MPI: variants seen among roughly 807,000 people sequenced by gnomAD.
The protein encoded by MPI is mannose phosphate isomerase.
A neutral mutation model predicts 40.1 loss-of-function variants in MPI; 33 were observed. That is an observed-to-expected ratio of 0.82 (90% confidence interval 0.62 to 1.10). MPI has a LOEUF of 1.10. MPI is among the 50% of genes least tolerant of loss of function. The pLI, the probability that MPI is intolerant of heterozygous loss-of-function variation, is 0.00. For synonymous variants in MPI, 187 were observed against 207.4 expected (o/e 0.90, Z 0.85); for missense variants, 514 against 524.1 (o/e 0.98, Z 0.19).
chr15:74,894,813 G>T (rs2064793336), intron 5 of MPI, among the ~76,000 whole-genome samples: 1 of 150,648 alleles, frequency 6.6e-6, no homozygotes, highest in African/African-American at 2.4e-5. Flanking sequence ...AAAAGAAAAA[G>T]AAAAAAAATT....
At chr15:74,890,167 G>T (rs1430252343) in intron 1 of MPI, 78 bp downstream of exon 1, 2 of 1,582,782 alleles carry the variant, frequency 1.3e-6, no homozygotes, top group African/African-American at 1.3e-5. Context: ...TATCGGCCAG[G>T]TTGAGTCCGC....
chr15:74,892,009 T>C (rs900975703), intron 3 of MPI, among the ~76,000 whole-genome samples: 1 of 152,030 alleles, frequency 6.6e-6, no homozygotes, highest in African/African-American at 2.4e-5. Context: ...TTTTTTTTTT[T>C]CTGAGACTTG....
intron 1 of MPI, 46 bp from the exon 2 acceptor site, chr15:74,890,481 G>A (rs781053774): frequency 6.2e-7 from 1 of 1,613,178 alleles, no homozygotes; most frequent in Non-Finnish European, 8.5e-7. Flanking sequence ...ACACTAGGGT[G>A]GGGCCTGAGG....
chr15:74,895,253 G>A (rs1167317466), intron 5 of MPI, among the ~76,000 whole-genome samples: 1 of 150,628 alleles, frequency 6.6e-6, no homozygotes, highest in Non-Finnish European at 1.5e-5. Flanking sequence ...GAGATGACAG[G>A]TGTGAGCCAC....
In MPI at chr15:74,899,808, G is replaced by A. The variant is rs1022382726; in HGVS notation, c.*2078G>A. 6.6e-6 allele frequency: 1 copy of A among 152,154 alleles called. No individual in the cohort carries two copies. The highest frequency in any genetic ancestry group is 1.5e-5 in the Non-Finnish European group (1 of 68,036). 9.4% of individuals were successfully genotyped at this position (152,154 alleles called of 1,614,324 possible). A position where few individuals can be genotyped will look rare whatever the true frequency, so the allele number is the denominator to read the frequency against. The stretch of plus-strand genomic sequence containing the variant: ...CAGCTAAGTTTTTGTATTTTTAGTA[G>A]AGACGGGGTTTCAGTAGAGACGGGG... On this transcript the variant is annotated 3_prime_UTR_variant, in exon 8 of 8. Transcript: ENST00000352410.
At chr15:74,895,267 G>A (rs1010676330) in intron 5 of MPI, among the ~76,000 whole-genome samples, 8 of 149,248 alleles carry the variant, frequency 5.4e-5, no homozygotes, top group Admixed American at 1.3e-4. Context: ...GAGCCACCGC[G>A]CCCAGCTGAG....
chr15:74,892,047 T>G (rs1595817335), intron 3 of MPI, among the ~76,000 whole-genome samples: 1 of 151,372 alleles, frequency 6.6e-6, no homozygotes, highest in Non-Finnish European at 1.5e-5. Context: ...CAGGCTGGAG[T>G]GCAGTGGCGC....
Position 74,897,114 on chromosome 15 carries a change from T to A in MPI, c.948T>A (p.Pro316=), listed in dbSNP as rs778221310. 6.2e-7 allele frequency: 1 copy of A among 1,614,156 alleles called. No homozygotes were observed. ...TGTGTGAAATGCTCAGCTATACCCC[T>A]AGCTCCAGCAAGGACAGGCTCTTTC... ...PTLCEMLSYT[P]SSSKDRLFLP... The change falls in exon 7 of 8, where the codon CCT becomes CCA. Residue 316 remains proline, a synonymous_variant. Coordinates refer to ENST00000352410, the MANE Select transcript of MPI (RefSeq NM_002435.3).
chr15:74,893,670 G>A (rs2141201209), intron 5 of MPI: 1 of 581,002 alleles, frequency 1.7e-6, no homozygotes, highest in South Asian at 2.1e-5. Context: ...GGCAGGAAGG[G>A]GACACGAGCA....
chr15:74,896,585 C>T (rs1006743526), intron 6 of MPI: 11 of 645,810 alleles, frequency 1.7e-5, no homozygotes, highest in Admixed American at 7.2e-5. Context: ...GTGTGGGAAC[C>T]ACAATTTGAA....
chr15:74,891,415 A>G lies in MPI; in HGVS notation c.181A>G (p.Ile61Val), dbSNP rs1450529645. 6.2e-7 allele frequency: 1 copy of G among 1,614,176 alleles called. No individual in the cohort carries two copies. Among genetic ancestry groups the G allele is most frequent in the Admixed American group, 1.7e-5 (1 of 60,020 alleles). ...MGTHPRGDAKILDNRISQKTL... is the reference protein window; with the variant it reads ...MGTHPRGDAKVLDNRISQKTL... ...GACTCACCCCCGAGGGGATGCCAAG[A>G]TCCTTGACAACCGCATCTCACAGAA... is the stretch of plus-strand genomic sequence containing the variant. The change falls in exon 3 of 8, where the codon ATC becomes GTC. Residue 61 changes from isoleucine (I) to valine (V), a missense_variant. Ile to Val is a conservative substitution (Grantham distance 29). Coordinates refer to ENST00000352410, the MANE Select transcript of MPI (RefSeq NM_002435.3).
At chr15:74,893,718 TCA>T in intron 5 of MPI, 1 of 505,090 alleles carries the variant, frequency 2.0e-6, no homozygotes, top group Non-Finnish European at 3.6e-6. Context: ...CCTCCAGCAC[TCA>T]GTCATTTGAT....
At chr15:74,894,101 TGTGTGTGG>T (rs1462443428) in intron 5 of MPI, among the ~76,000 whole-genome samples, 1 of 25,336 alleles carries the variant, frequency 3.9e-5, no homozygotes, top group Non-Finnish European at 8.1e-5. Flanking sequence ...TGTGTGTGTG[TGTGTGTGG>T]TCTCTTTCTG....
At position 74,896,165 on chromosome 15, in the gene MPI, C is replaced by T. The variant is rs139190144; in HGVS notation, c.684C>T (p.Asn228=). 45,385 of 1,614,080 alleles carry T rather than the reference C, an allele frequency of 0.028. 886 individuals carry two copies. The highest frequency in any genetic ancestry group is 0.067 in the South Asian group (6,076 of 91,084). The stretch of plus-strand genomic sequence containing the variant: ...TGTGACCCTCAGCGGCTGCCGGAAA[C>T]AACATGGAGGACATCTTTGGGGAGC... ...KRISQQAAAG[N]NMEDIFGELL... Residue 228 remains asparagine (N), a synonymous_variant, in exon 6 of 8, where the codon AAC becomes AAT. Transcript: ENST00000352410.
chr15:74,893,581 C>A (rs549229769), intron 5 of MPI: 1 of 607,964 alleles, frequency 1.6e-6, no homozygotes, highest in African/African-American at 1.8e-5. Flanking sequence ...CTTAGGATGC[C>A]TTCCACCTAG....
At chr15:74,895,805 T>C (rs2064809155) in intron 5 of MPI, 1 of 327,880 alleles carries the variant, frequency 3.0e-6, no homozygotes, top group African/African-American at 2.1e-5. Context: ...CATCCATCAG[T>C]ACACAGGACA....
Position 74,891,320 on chromosome 15 carries a change from G to T in MPI, c.145-59G>T. 2.6e-6 allele frequency: 4 copies of T among 1,539,156 alleles called. No individual in the cohort carries two copies. The Admixed American group carries it at 6.7e-5, about 26-fold the overall frequency. ...AGCACAGCATAACGGATTGGGACAG[G>T]CCAACTCAGGGTGGCAGGTTTCTTC... is the stretch of plus-strand genomic sequence containing the variant. On this transcript the variant is annotated intron_variant, in intron 2 of 7. Coordinates refer to ENST00000352410, the MANE Select transcript of MPI (RefSeq NM_002435.3).
intron 1 of MPI, 39 bp downstream of exon 1, chr15:74,890,128 G>T: frequency 6.2e-7 from 1 of 1,606,652 alleles, no homozygotes; most frequent in Non-Finnish European, 8.5e-7. Context: ...TGTGTTCGTG[G>T]AGCGCGTCCT....
chr15:74,896,136 GCT>G lies in MPI; in HGVS notation c.671-13_671-12del, dbSNP rs771408529. On this transcript the variant is annotated splice_polypyrimidine_tract_variant and intron_variant, in intron 5 of 7. Transcript: ENST00000352410. Reference sequence around the variant, plus strand: ...GTATCCCCCTAAGTGACCTTGGGGTGCTCTGTGACCCTCAGCGGCTGCCGGAA... The same window carrying G: ...GTATCCCCCTAAGTGACCTTGGGGTGCTGTGACCCTCAGCGGCTGCCGGAA... 5.6e-6 allele frequency: 9 copies of G among 1,613,726 alleles called. No individual in the cohort carries two copies. Among genetic ancestry groups the G allele is most frequent in the Admixed American group, 5.0e-5 (3 of 60,002 alleles).
Sources: gnomAD v4.1 joint callset for allele counts (sites outside exome capture counted in the v4.1 genomes callset) on GRCh38, gnomAD v4.1.1 for gene constraint, MANE v1.5 for transcripts, NCBI Gene and HGNC (gene_info 2026-07-23, HGNC 2026-07-21) for gene names.